Variants in KCTD16 observed in about 807,000 individuals in gnomAD.
KCTD16 encodes the protein BTB/POZ domain-containing protein KCTD16.
KCTD16 carries 13 observed loss-of-function variants against 33.2 expected under a neutral mutation model. The observed-to-expected ratio is 0.39, with a 90% CI of 0.25 to 0.62. The LOEUF (loss-of-function observed/expected upper bound fraction) is 0.62. KCTD16 is among the 20% of genes least tolerant of loss of function. The probability of loss-of-function intolerance (pLI) is 0.50; values close to 1 mark genes in which losing one functional copy is unlikely to be tolerated. For synonymous variants in KCTD16, 197 were observed against 195.3 expected (o/e 1.01, Z -0.07); for missense variants, 441 against 525.1 (o/e 0.84, Z 1.57).
intron 2 of KCTD16, among the ~76,000 whole-genome samples, chr5:144,193,629 A>G (rs1016463360): frequency 2.6e-5 from 4 of 152,114 alleles, no homozygotes; most frequent in Middle Eastern, 3.2e-3. Context: ...TGTCTGGCCT[A>G]TAATGGAAGT....
intron 3 of KCTD16, among the ~76,000 whole-genome samples, chr5:144,425,423 G>A (rs954971580): frequency 6.6e-6 from 1 of 151,692 alleles, no homozygotes; most frequent in Admixed American, 6.6e-5. Context: ...CTGCACACTG[G>A]TGGACCTAGA....
intron 3 of KCTD16, among the ~76,000 whole-genome samples, chr5:144,469,511 T>C (rs1754422981): frequency 6.6e-6 from 1 of 152,220 alleles, no homozygotes; most frequent in African/African-American, 2.4e-5. Context: ...AGCGTCAGCA[T>C]TGTAGTAAAA....
chr5:144,441,980 AG>A (rs1753722093), intron 3 of KCTD16, among the ~76,000 whole-genome samples: 1 of 152,112 alleles, frequency 6.6e-6, no homozygotes, highest in Non-Finnish European at 1.5e-5. Flanking sequence ...ATTTTAAAAA[AG>A]TTTAATATTT....
At chr5:144,359,623 A>G (rs1751657628) in intron 3 of KCTD16, among the ~76,000 whole-genome samples, 1 of 151,498 alleles carries the variant, frequency 6.6e-6, no homozygotes, top group African/African-American at 2.4e-5. Flanking sequence ...ACTTGGCAGT[A>G]TCTGGAGACA....
At chr5:144,262,224 G>A (rs1315303391) in intron 3 of KCTD16, among the ~76,000 whole-genome samples, 3 of 152,258 alleles carry the variant, frequency 2.0e-5, no homozygotes, top group East Asian at 3.9e-4. Flanking sequence ...TTAAAGTACT[G>A]AAAGAAGAAT....
chr5:144,443,810 G>A (rs923002961), intron 3 of KCTD16, among the ~76,000 whole-genome samples: 10 of 151,860 alleles, frequency 6.6e-5, no homozygotes, highest in African/African-American at 2.4e-4. Context: ...ATCTATAGCT[G>A]TCTTATTTTA....
intron 3 of KCTD16, among the ~76,000 whole-genome samples, chr5:144,450,324 T>C (rs56835353): frequency 1.7e-3 from 265 of 152,114 alleles, no homozygotes; most frequent in African/African-American, 5.7e-3. Context: ...TGTGGAGAAA[T>C]TGGAACCCTT....
At chr5:144,245,440 C>T (rs546453428) in intron 3 of KCTD16, among the ~76,000 whole-genome samples, 56 of 152,072 alleles carry the variant, frequency 3.7e-4, no homozygotes, top group Non-Finnish European at 5.3e-4. Context: ...TAAGAGTATT[C>T]CAGGCAAAAG....
chr5:144,320,755 ATT>A (rs1304159180), intron 3 of KCTD16, among the ~76,000 whole-genome samples: 1 of 140,416 alleles, frequency 7.1e-6, no homozygotes, highest in Non-Finnish European at 1.6e-5. Flanking sequence ...TTTTCTTTTT[ATT>A]TGTTTTTTTT....
intron 3 of KCTD16, among the ~76,000 whole-genome samples, chr5:144,326,077 ATGTCT>A (rs1180674395): frequency 6.6e-6 from 1 of 152,178 alleles, no homozygotes; most frequent in Admixed American, 6.5e-5. Context: ...AAAATGTAAA[ATGTCT>A]TGTTTTCTCA....
At chr5:144,346,679 C>A (rs1037164911) in intron 3 of KCTD16, among the ~76,000 whole-genome samples, 2 of 152,156 alleles carry the variant, frequency 1.3e-5, no homozygotes, top group Non-Finnish European at 2.9e-5. Flanking sequence ...CTATTCAAAT[C>A]TTTTGACCAT....
chr5:144,437,139 T>C (rs1753597410), intron 3 of KCTD16, among the ~76,000 whole-genome samples: 1 of 152,148 alleles, frequency 6.6e-6, no homozygotes, highest in South Asian at 2.1e-4. Context: ...ATGATCTGAC[T>C]CAGGTGTCCC....
At chr5:144,418,179 G>A (rs1166295580) in intron 3 of KCTD16, among the ~76,000 whole-genome samples, 3 of 152,142 alleles carry the variant, frequency 2.0e-5, no homozygotes, top group African/African-American at 7.2e-5. Flanking sequence ...AAGTGTTACA[G>A]CTCATAAAGG....
rs185471472 is a variant in KCTD16, at chr5:144,445,485, G to A, written c.833-28175G>A. ...TCTTTTCCTTATAACATCCTTGTAT[G>A]GAAATTGTTATTCTGTCACTTAGTT... On this transcript the variant is annotated intron_variant, in intron 3 of 3. Coordinates refer to ENST00000512467, the MANE Select transcript of KCTD16 (RefSeq NM_020768.4). Among the ~76,000 whole-genome samples, 24 of 152,070 alleles carry A rather than the reference G, an allele frequency of 1.6e-4. No individual in the cohort carries two copies. In the East Asian group the frequency reaches 4.3e-3, roughly 27 times the overall value.
At chr5:144,307,360 G>T (rs561260160) in intron 3 of KCTD16, among the ~76,000 whole-genome samples, 2 of 152,274 alleles carry the variant, frequency 1.3e-5, no homozygotes, top group Non-Finnish European at 2.9e-5. Flanking sequence ...AAGTGTTTCA[G>T]TTGGAGTCCT....
intron 3 of KCTD16, among the ~76,000 whole-genome samples, chr5:144,288,105 A>G (rs1386674337): frequency 2.6e-5 from 4 of 152,154 alleles, no homozygotes; most frequent in East Asian, 1.9e-4. Context: ...GGTCTGGAGT[A>G]GGGCTTCAAA....
chr5:144,197,391 G>A (rs1752959156), intron 2 of KCTD16, among the ~76,000 whole-genome samples: 1 of 152,096 alleles, frequency 6.6e-6, no homozygotes, highest in Admixed American at 6.6e-5. Context: ...CAACATTTCA[G>A]GAGTAAAGAA....
chr5:144,330,636 C>T (rs29895), intron 3 of KCTD16, among the ~76,000 whole-genome samples: 42,038 of 151,868 alleles, frequency 0.28, 6,000 homozygotes, highest in Non-Finnish European at 0.3. Flanking sequence ...TTTACTGATG[C>T]TAGCTTCTGA....
At chr5:144,417,264 C>T (rs1313038377) in intron 3 of KCTD16, among the ~76,000 whole-genome samples, 1 of 152,090 alleles carries the variant, frequency 6.6e-6, no homozygotes, top group African/African-American at 2.4e-5. Context: ...TTTACCTCTT[C>T]ATCAACACTT....
Sources: gnomAD v4.1 joint callset for allele counts (sites outside exome capture counted in the v4.1 genomes callset) on GRCh38, gnomAD v4.1.1 for gene constraint, MANE v1.5 for transcripts, NCBI Gene and HGNC (gene_info 2026-07-23, HGNC 2026-07-21) for gene names.